Variants in RER1 observed in about 807,000 individuals in gnomAD.
The protein encoded by RER1 is protein RER1.
RER1 carries 6 observed loss-of-function variants against 28.3 expected under a neutral mutation model. The observed-to-expected ratio is 0.21, with a 90% CI of 0.12 to 0.42. The LOEUF (loss-of-function observed/expected upper bound fraction) is 0.42, where lower values mean the gene tolerates loss of function less well. Ranked by LOEUF, RER1 falls within the 10% of genes least tolerant of loss-of-function variation. The pLI, the probability that RER1 is intolerant of heterozygous loss-of-function variation, is 1.00. For synonymous variants in RER1, 110 were observed against 95.9 expected (o/e 1.15, Z -0.86); for missense variants, 159 against 252.9 (o/e 0.63, Z 2.52).
chr1:2,399,315 C>G, intron 3 of RER1, 100 bp from the exon 4 acceptor site: 1 of 788,450 alleles, frequency 1.3e-6, no homozygotes, highest in Non-Finnish European at 2.3e-6. Context: ...AAAGTTAGAT[C>G]AGTTAACAAA....
At chr1:2,401,176 TG>T (rs1333369331) in intron 5 of RER1, among the ~76,000 whole-genome samples, 1 of 151,256 alleles carries the variant, frequency 6.6e-6, no homozygotes, top group Non-Finnish European at 1.5e-5. Context: ...CTTCTGTGGT[TG>T]TGGCCTGGGG....
intron 1 of RER1, chr1:2,395,261 G>T: frequency 6.2e-6 from 1 of 161,846 alleles, no homozygotes; most frequent in Non-Finnish European, 1.4e-5. Context: ...GACTACCTGA[G>T]AGTTGTAGAT....
At chr1:2,400,834 C>G in intron 4 of RER1, 23 bp from the exon 5 acceptor site, 1 of 1,603,272 alleles carries the variant, frequency 6.2e-7, no homozygotes, top group Middle Eastern at 1.7e-4. Flanking sequence ...GGTGCCCTCC[C>G]TGATGGTTGC....
chr1:2,394,474 T>A (rs1312255794), intron 1 of RER1: 3 of 152,210 alleles, frequency 2.0e-5, no homozygotes, highest in Non-Finnish European at 4.4e-5. Flanking sequence ...AAAGCGTTGG[T>A]TTCAGGAAGG....
At chr1:2,402,543 G>A (rs1642882369) in intron 6 of RER1, among the ~76,000 whole-genome samples, 1 of 152,166 alleles carries the variant, frequency 6.6e-6, no homozygotes, top group African/African-American at 2.4e-5. Context: ...GAGCGCAGCT[G>A]TGGGAGCGGG....
intron 1 of RER1, chr1:2,394,532 C>T (rs1482084547): frequency 2.0e-5 from 3 of 152,212 alleles, no homozygotes; most frequent in African/African-American, 4.8e-5. Context: ...TGGGCCAGGG[C>T]AACTCTTTAG....
At chr1:2,399,358 G>T in intron 3 of RER1, 57 bp from the exon 4 acceptor site, 1 of 1,210,362 alleles carries the variant, frequency 8.3e-7, no homozygotes, top group Non-Finnish European at 1.2e-6. Flanking sequence ...AACGTGAACT[G>T]GCTCAGGCTG....
intron 5 of RER1, among the ~76,000 whole-genome samples, chr1:2,401,395 T>C (rs1570084694): frequency 1.5e-5 from 1 of 67,884 alleles, no homozygotes; most frequent in Non-Finnish European, 2.8e-5. Flanking sequence ...TCCCTCCTCC[T>C]CCCTCCTCCT....
At chr1:2,399,819 C>T (rs550224777) in intron 4 of RER1, among the ~76,000 whole-genome samples, 2 of 152,350 alleles carry the variant, frequency 1.3e-5, no homozygotes, top group East Asian at 3.9e-4. Flanking sequence ...CAGTCCGACT[C>T]CAGCCCCCGT....
At chr1:2,396,828 C>T (rs181553775) in intron 2 of RER1, among the ~76,000 whole-genome samples, 26 of 152,300 alleles carry the variant, frequency 1.7e-4, no homozygotes, top group Admixed American at 4.6e-4. Context: ...TGGGTCTTCC[C>T]CATAGTGATC....
At chr1:2,396,015 C>T (rs929954345) in intron 2 of RER1, 144 bp downstream of exon 2, 34 of 693,114 alleles carry the variant, frequency 4.9e-5, no homozygotes, top group Non-Finnish European at 7.8e-5. Context: ...ACAGCGTTCT[C>T]TTCACTGTGA....
rs1351403106 is a variant in RER1, at chr1:2,405,076, C to G, written c.*1952C>G. 1.9e-5 allele frequency: 3 copies of G among 160,062 alleles called. No homozygotes were observed. The highest frequency in any genetic ancestry group is 7.2e-5 in the African/African-American group (3 of 41,486). The allele number at this position is 160,062 out of a possible 1,614,324, so 9.9% of individuals were successfully genotyped here. A position where few individuals can be genotyped will look rare whatever the true frequency, so the allele number is the denominator to read the frequency against. The stretch of plus-strand genomic sequence containing the variant: ...GTGCGTCTGGGTCAGGAAGAGACCT[C>G]TCTGTGCGTCTCAGGCTGAGATGCA... On this transcript the variant is annotated 3_prime_UTR_variant, in exon 7 of 7. Coordinates refer to ENST00000605895, the MANE Select transcript of RER1 (RefSeq NM_007033.5).
chr1:2,397,120 A>G lies in RER1; in HGVS notation c.86A>G (p.Tyr29Cys), dbSNP rs749092578. The change falls in exon 3 of 7, where the codon TAT becomes TGT. Residue 29 changes from tyrosine to cysteine, a missense_variant. Physicochemically the swap from Tyr to Cys is radical, Grantham distance 194 (BLOSUM62 -2). Coordinates refer to ENST00000605895, the MANE Select transcript of RER1 (RefSeq NM_007033.5). ...YRFFTRLGQI[Y>C]QSWLDKSTPY... The stretch of plus-strand genomic sequence containing the variant: ...TTTGGACTCTTGTCTTTCTAGATTT[A>G]TCAGTCCTGGCTAGACAAGTCCACA... The G allele has an allele frequency of 6.2e-7, 1 of 1,605,286 alleles. No homozygotes were observed. Among genetic ancestry groups the G allele is most frequent in the Non-Finnish European group, 8.5e-7 (1 of 1,172,178 alleles).
intron 2 of RER1, chr1:2,396,129 A>C: frequency 2.2e-6 from 1 of 455,868 alleles, no homozygotes; most frequent in Non-Finnish European, 4.0e-6. Context: ...AAAATATAAA[A>C]CCCAGTCTCA....
chr1:2,395,041 C>T (rs1185146114), intron 1 of RER1: 2 of 152,340 alleles, frequency 1.3e-5, no homozygotes, highest in African/African-American at 4.8e-5. Flanking sequence ...GTGGCAGGAC[C>T]TTGGACACGT....
rs1391725887 is a variant in RER1 at position 2,400,741 on chromosome 1, C to T, written c.287-116C>T. 3 of 850,954 alleles carry T rather than the reference C, an allele frequency of 3.5e-6. No homozygotes were observed. The African/African-American group carries it at 5.1e-5, about 14-fold the overall frequency. The allele number at this position is 850,954 out of a possible 1,614,324, so 52.7% of individuals were successfully genotyped here. On this transcript the variant is annotated intron_variant, in intron 4 of 6. Transcript: ENST00000605895. ...TTTCTCGTTTTCTCTGGTTAAATGACATGAATCTCGGTTTAGATTTGTGAG... is the reference window on the plus strand; with the variant it reads ...TTTCTCGTTTTCTCTGGTTAAATGATATGAATCTCGGTTTAGATTTGTGAG...
At chr1:2,393,184 CCTTT>C (rs1557900076) in intron 1 of RER1, 1 of 151,994 alleles carries the variant, frequency 6.6e-6, no homozygotes, top group Non-Finnish European at 1.5e-5. Context: ...GTTTTATCTC[CCTTT>C]CTGTTTTGTT....
intron 1 of RER1, chr1:2,394,173 G>C (rs149842649): frequency 6.6e-6 from 1 of 152,212 alleles, no homozygotes; most frequent in Non-Finnish European, 1.5e-5. Context: ...TCTTTCAGTG[G>C]AGAGTAAAGG....
At position 2,403,028 on chromosome 1, in the gene RER1, T is replaced by C. The variant is rs1351809011; in HGVS notation, c.502-7T>C. ...TGCAGTAACTGAGTCTGTGTTTCTC[T>C]CCCCAGCACATGATTAAGTACCGGT... is the stretch of plus-strand genomic sequence containing the variant. On this transcript the variant is annotated splice_polypyrimidine_tract_variant and splice_region_variant and intron_variant, in intron 6 of 6. Coordinates refer to ENST00000605895, the MANE Select transcript of RER1 (RefSeq NM_007033.5). 1.2e-6 allele frequency: 2 copies of C among 1,610,844 alleles called. No homozygotes were observed. The highest frequency in any genetic ancestry group is 1.7e-6 in the Non-Finnish European group (2 of 1,177,894).
Sources: allele counts gnomAD v4.1 joint callset (sites outside exome capture counted in the v4.1 genomes callset), GRCh38; gene constraint gnomAD v4.1.1; transcripts MANE v1.5; gene names NCBI Gene and HGNC (gene_info 2026-07-23, HGNC 2026-07-21).